CIT: variants seen among roughly 807,000 people sequenced by gnomAD.
CIT encodes citron rho-interacting serine/threonine kinase.
A neutral mutation model predicts 272.7 loss-of-function variants in CIT; 79 were observed. The ratio of observed to expected loss-of-function variants is 0.29; its 90% CI spans 0.24 to 0.35. CIT has a LOEUF of 0.35. Ranked by LOEUF, CIT falls within the 10% of genes least tolerant of loss-of-function variation. CIT has a pLI of 1.00. For synonymous variants in CIT, 948 were observed against 995.6 expected, an observed-to-expected ratio of 0.95 and a Z score of 0.90; for missense variants, 1,909 against 2,618.3, an observed-to-expected ratio of 0.73 and a Z score of 5.91.
At chr12:119,809,909 C>A (rs1029818402) in intron 9 of CIT, among the ~76,000 whole-genome samples, 1 of 152,196 alleles carries the variant, frequency 6.6e-6, no homozygotes, top group Non-Finnish European at 1.5e-5. Context: ...GGAGAGCTTC[C>A]GGATAGCTGA....
intron 27 of CIT, among the ~76,000 whole-genome samples, chr12:119,729,090 G>C (rs1202076946): frequency 6.6e-6 from 1 of 152,166 alleles, no homozygotes; most frequent in African/African-American, 2.4e-5. Flanking sequence ...CCAATTAGGA[G>C]AAGATCAAGA....
chr12:119,702,108 CTT>C (rs113607985), intron 41 of CIT, 150 bp from the exon 42 acceptor site: 4,900 of 529,112 alleles, frequency 9.3e-3, no homozygotes, highest in South Asian at 0.011. Flanking sequence ...AGCCATTCAT[CTT>C]TTTTTTTTTT....
rs532670731 is a variant in CIT at position 119,847,149 on chromosome 12, T to G, written c.516+3025A>C. ...ACAGGCACCCGCCACCATACCTGCC[T>G]AATTTTTTATATTTTTAGTAGAGAC... On this transcript the variant is annotated intron_variant, in intron 5 of 47. Transcript: ENST00000392521. 2.4e-4 allele frequency among the ~76,000 whole-genome samples: 37 copies of G among 151,958 alleles called. No individual in the cohort carries two copies. The South Asian group carries it at 7.3e-3, about 30-fold the overall frequency.
In CIT at chr12:119,685,947, T is replaced by C. The variant is rs947928652; in HGVS notation, c.*2285A>G. On this transcript the variant is annotated 3_prime_UTR_variant, in exon 48 of 48. Transcript: ENST00000392521. ...TACTTTTGGAGACCTAGAATCTTGATTGATGCTAATAAGCTTTTGACAGCA... is the reference window on the plus strand; with the variant it reads ...TACTTTTGGAGACCTAGAATCTTGACTGATGCTAATAAGCTTTTGACAGCA... 3 of 152,612 alleles carry C rather than the reference T, an allele frequency of 2.0e-5. No individual in the cohort carries two copies. The highest frequency in any genetic ancestry group is 6.5e-5 in the Admixed American group (1 of 15,282). The allele number at this position is 152,612 out of a possible 1,614,324, so 9.5% of individuals were successfully genotyped here. A position where few individuals can be genotyped will look rare whatever the true frequency, so the allele number is the denominator to read the frequency against.
intron 9 of CIT, among the ~76,000 whole-genome samples, chr12:119,817,518 A>G (rs1005509730): frequency 1.3e-5 from 2 of 152,164 alleles, no homozygotes; most frequent in African/African-American, 4.8e-5. Flanking sequence ...TCTCAAAAAA[A>G]AATCAAGCAC....
At chr12:119,851,925 C>T (rs1970246357) in intron 4 of CIT, among the ~76,000 whole-genome samples, 1 of 152,114 alleles carries the variant, frequency 6.6e-6, no homozygotes, top group Non-Finnish European at 1.5e-5. Context: ...CCCAGTTACT[C>T]AGGAGGCTGT....
Position 119,688,085 on chromosome 12 carries a change from G to C in CIT, c.*147C>G. The C allele has an allele frequency of 1.2e-6, 1 of 814,312 alleles. No homozygotes were observed. Among genetic ancestry groups the C allele is most frequent in the Non-Finnish European group, 2.1e-6 (1 of 478,696 alleles). The allele number at this position is 814,312 out of a possible 1,614,324, so 50.4% of individuals were successfully genotyped here. On this transcript the variant is annotated 3_prime_UTR_variant, in exon 48 of 48. Coordinates refer to ENST00000392521, the MANE Select transcript of CIT (RefSeq NM_001206999.2). ...GCCACCTGCCCCTCCTGGAGACAGG[G>C]GTGTCCGTGCCGAGGTGGGTCTGGG...
intron 40 of CIT, among the ~76,000 whole-genome samples, chr12:119,707,931 T>A (rs920784860): frequency 6.6e-6 from 1 of 152,226 alleles, no homozygotes; most frequent in African/African-American, 2.4e-5. Flanking sequence ...AAAAAGACTA[T>A]GGAATCCTCA....
Position 119,718,615 on chromosome 12 carries a change from C to A in CIT, c.4003+84G>T. 1 of 1,556,216 alleles carries A rather than the reference C, an allele frequency of 6.4e-7. No homozygotes were observed. Among genetic ancestry groups the A allele is most frequent in the Non-Finnish European group, 8.8e-7 (1 of 1,138,090 alleles). ...ATGGGCCATAAACGAAGACACTGAG[C>A]TAGTTAGTCTTGGCTGATCTCACTG... On this transcript the variant is annotated intron_variant, in intron 31 of 47. Transcript: ENST00000392521. This position sits in a 1 kb window ranked among gnomAD's most constrained non-coding sequence, Gnocchi z 4.8.
intron 32 of CIT, among the ~76,000 whole-genome samples, chr12:119,717,838 C>CTTTTTTTTTTCTTTTTTTTTTTTTTTTT: frequency 1.2e-5 from 1 of 81,332 alleles, no homozygotes; most frequent in Admixed American, 1.8e-4. Context: ...TGACTTCTTT[C>CTTTTTTTTTTCTTTTTTTTTTTTTTTTT]TTTTTTTTTT....
At chr12:119,776,505 T>A (rs1593699670) in intron 14 of CIT, 97 bp from the exon 15 acceptor site, 1 of 1,172,348 alleles carries the variant, frequency 8.5e-7, no homozygotes, top group Non-Finnish European at 1.2e-6. Context: ...ATAATAATAG[T>A]AAATAAGAAT....
At chr12:119,871,012 G>A (rs1254022159) in intron 2 of CIT, among the ~76,000 whole-genome samples, 2 of 151,892 alleles carry the variant, frequency 1.3e-5, no homozygotes, top group African/African-American at 2.4e-5. Flanking sequence ...CCAGCTACTC[G>A]GGAGGCTGGG....
At chr12:119,807,327 G>T (rs1966668127) in intron 9 of CIT, among the ~76,000 whole-genome samples, 1 of 152,192 alleles carries the variant, frequency 6.6e-6, no homozygotes, top group South Asian at 2.1e-4. Context: ...AAATCTGGTT[G>T]CTGCATTTTT....
intron 2 of CIT, among the ~76,000 whole-genome samples, chr12:119,869,596 C>A (rs1243543421): frequency 6.6e-6 from 1 of 152,090 alleles, no homozygotes; most frequent in Non-Finnish European, 1.5e-5. Context: ...GGGGTTTATT[C>A]ATATAATTTC....
chr12:119,785,707 G>A (rs1964725959), intron 10 of CIT, among the ~76,000 whole-genome samples: 1 of 152,090 alleles, frequency 6.6e-6, no homozygotes, highest in Non-Finnish European at 1.5e-5. Context: ...AGCCTCCTGA[G>A]TAGTTGGGAT....
intron 23 of CIT, among the ~76,000 whole-genome samples, chr12:119,747,951 C>T (rs1333522681): frequency 6.6e-6 from 1 of 151,962 alleles, no homozygotes; most frequent in African/African-American, 2.4e-5. Flanking sequence ...ATTGCTTGAG[C>T]CCAGGAGTTC....
intron 47 of CIT, among the ~76,000 whole-genome samples, chr12:119,688,880 G>A (rs539230219): frequency 6.6e-6 from 1 of 152,296 alleles, no homozygotes; most frequent in East Asian, 1.9e-4. Flanking sequence ...ACATGTGTGG[G>A]CTGAGCGTGG....
At chr12:119,839,228 TGTGCACAC>T (rs1328916688) in intron 5 of CIT, among the ~76,000 whole-genome samples, 1 of 152,224 alleles carries the variant, frequency 6.6e-6, no homozygotes, top group Non-Finnish European at 1.5e-5. Context: ...CAAATGTGTC[TGTGCACAC>T]GTGCACACAC....
At chr12:119,782,225 G>A (rs941181066) in intron 13 of CIT, 3 of 213,100 alleles carry the variant, frequency 1.4e-5, no homozygotes, top group South Asian at 1.6e-4. Flanking sequence ...GACCAGCTTT[G>A]CCCCACAGGC....
Sources: allele counts gnomAD v4.1 joint callset (sites outside exome capture counted in the v4.1 genomes callset), GRCh38; gene constraint gnomAD v4.1.1; non-coding constraint Gnocchi (gnomAD v3.1); transcripts MANE v1.5; gene names NCBI Gene and HGNC (gene_info 2026-07-23, HGNC 2026-07-21).